Variants in SHISA9 observed in about 807,000 individuals in gnomAD.
SHISA9 encodes the protein protein shisa-9.
SHISA9 carries 13 observed loss-of-function variants against 38.0 expected under a neutral mutation model. That is an observed-to-expected ratio of 0.34 (90% CI 0.22 to 0.54). The LOEUF is 0.54. Ranked by LOEUF, SHISA9 falls within the 20% of genes least tolerant of loss-of-function variation. The pLI is 0.91. For missense variants in SHISA9, 538 were observed against 575.8 expected (o/e 0.93, Z 0.67); for synonymous variants, 275 against 242.0 (o/e 1.14, Z -1.27).
chr16:13,309,568 G>A, the SHISA9 span, among the ~76,000 whole-genome samples: 9 of 150,894 alleles, frequency 6.0e-5, no homozygotes, highest in South Asian at 2.1e-4. Flanking sequence ...ACTTGAACCC[G>A]GGAGGTGGAG....
rs1424543841 is a variant in SHISA9 at position 13,237,326 on chromosome 16, G to A, written c.*1917G>A. 1.3e-5 allele frequency: 2 copies of A among 152,136 alleles called. No homozygotes were observed. The highest frequency in any genetic ancestry group is 1.3e-4 in the Admixed American group (2 of 15,262). 9.4% of individuals were successfully genotyped at this position (152,136 alleles called of 1,614,324 possible). A position where few individuals can be genotyped will look rare whatever the true frequency, so the allele number is the denominator to read the frequency against. On this transcript the variant is annotated 3_prime_UTR_variant, in exon 5 of 5. Coordinates refer to ENST00000558583, the MANE Select transcript of SHISA9 (RefSeq NM_001145204.3). ...TCTGAAACATGGGGAATTGGGGTAG[G>A]TCAAGCTTTTTGAAACTGCAAAACC...
chr16:13,417,107 A>G, the SHISA9 span, among the ~76,000 whole-genome samples: 1 of 152,186 alleles, frequency 6.6e-6, no homozygotes, highest in Non-Finnish European at 1.5e-5. Flanking sequence ...CACCTTTTGG[A>G]TGAATTGCTG....
In SHISA9 at chr16:13,213,066, A is replaced by G. The variant is rs192320952; in HGVS notation, c.848-187A>G. 1.3e-3 allele frequency among the ~76,000 whole-genome samples: 198 copies of G among 152,288 alleles called. 2 individuals carry two copies. The highest frequency in any genetic ancestry group is 4.6e-3 in the African/African-American group (192 of 41,564). On this transcript the variant is annotated intron_variant, in intron 3 of 4. Transcript: ENST00000558583. ...ACGTGAGGCTGCTTCAAGGCCTTGCAGAAAGAGGTACACACATAGCTGCAT... is the reference window on the plus strand; with the variant it reads ...ACGTGAGGCTGCTTCAAGGCCTTGCGGAAAGAGGTACACACATAGCTGCAT...
At chr16:13,289,864 T>C in the SHISA9 span, among the ~76,000 whole-genome samples, 1 of 152,222 alleles carries the variant, frequency 6.6e-6, no homozygotes, top group Admixed American at 6.5e-5. Context: ...CCTAAGCTAG[T>C]TTGAATTGTG....
chr16:13,471,990 G>T, the SHISA9 span, among the ~76,000 whole-genome samples: 3 of 152,190 alleles, frequency 2.0e-5, no homozygotes, highest in Non-Finnish European at 4.4e-5. Flanking sequence ...GCTCTACATG[G>T]AAGTGTCTTG....
At chr16:13,383,916 A>C in the SHISA9 span, among the ~76,000 whole-genome samples, 1 of 152,102 alleles carries the variant, frequency 6.6e-6, no homozygotes, top group African/African-American at 2.4e-5. Flanking sequence ...CGGCCTCCCA[A>C]AGTGCTAGGA....
chr16:13,301,098 T>C, the SHISA9 span, among the ~76,000 whole-genome samples: 1 of 152,166 alleles, frequency 6.6e-6, no homozygotes, highest in East Asian at 1.9e-4. Context: ...ACAATCTGTA[T>C]GCAAGAGTCT....
intron 2 of SHISA9, among the ~76,000 whole-genome samples, chr16:13,067,548 T>C (rs1428283491): frequency 2.0e-5 from 3 of 152,238 alleles, no homozygotes; most frequent in Non-Finnish European, 2.9e-5. Flanking sequence ...GTAATTTCTC[T>C]CCTAGAAATT....
At chr16:12,923,059 G>A (rs760694573) in intron 2 of SHISA9, among the ~76,000 whole-genome samples, 4 of 152,090 alleles carry the variant, frequency 2.6e-5, no homozygotes, top group African/African-American at 7.2e-5. Context: ...GCTCCTGACC[G>A]CAGGTGATCC....
At position 13,177,598 on chromosome 16, in the gene SHISA9, T is replaced by C. The variant is rs535106920; in HGVS notation, c.692-25796T>C. Among the ~76,000 whole-genome samples the C allele has an allele frequency of 3.9e-5, 6 of 152,318 alleles. No individual in the cohort carries two copies. In the South Asian group the frequency reaches 8.3e-4, roughly 21 times the overall value. On this transcript the variant is annotated intron_variant, in intron 2 of 4. Coordinates refer to ENST00000558583, the MANE Select transcript of SHISA9 (RefSeq NM_001145204.3). ...TACTCATACGATTTTCCCTAACTGA[T>C]ACCTGTCTTGCTTACTAGATTACTG...
the SHISA9 span, among the ~76,000 whole-genome samples, chr16:13,558,060 A>G: frequency 6.6e-6 from 1 of 152,066 alleles, no homozygotes; most frequent in Admixed American, 6.5e-5. Context: ...AAAAAAAATT[A>G]AACTAAAAGT....
At chr16:13,218,109 G>T (rs181863850) in intron 4 of SHISA9, among the ~76,000 whole-genome samples, 2 of 152,272 alleles carry the variant, frequency 1.3e-5, no homozygotes, top group East Asian at 3.9e-4. Context: ...TAGCTTTTCT[G>T]CTTTTATACA....
At chr16:13,131,498 G>C in intron 2 of SHISA9, among the ~76,000 whole-genome samples, 1 of 152,106 alleles carries the variant, frequency 6.6e-6, no homozygotes, top group Non-Finnish European at 1.5e-5. Flanking sequence ...GCATCAGGAA[G>C]AATAGCTAAT....
chr16:13,197,104 T>TACACACACACAC (rs58365720), intron 2 of SHISA9, among the ~76,000 whole-genome samples: 10 of 106,486 alleles, frequency 9.4e-5, no homozygotes, highest in African/African-American at 3.5e-4. Context: ...TCTCTGTACA[T>TACACACACACAC]ACACACACAC....
At chr16:13,444,982 C>CTATATATATATATATATATATATATATA in the SHISA9 span, among the ~76,000 whole-genome samples, 2 of 106,248 alleles carry the variant, frequency 1.9e-5, no homozygotes, top group Non-Finnish European at 3.9e-5. Context: ...CCATGCCTAG[C>CTATATATATATATATATATATATATATA]TATATATATA....
intron 4 of SHISA9, among the ~76,000 whole-genome samples, chr16:13,231,416 TC>T (rs1489530041): frequency 6.6e-6 from 1 of 152,222 alleles, no homozygotes; most frequent in African/African-American, 2.4e-5. Context: ...TCTAGAGCTT[TC>T]CTCCAAAAGG....
chr16:12,918,039 A>G (rs1033864644), intron 2 of SHISA9, among the ~76,000 whole-genome samples: 2 of 152,210 alleles, frequency 1.3e-5, no homozygotes, highest in Admixed American at 1.3e-4. Flanking sequence ...CATGGTTTGA[A>G]AAATAGGCCA....
the SHISA9 span, among the ~76,000 whole-genome samples, chr16:13,447,053 A>G: frequency 6.6e-6 from 1 of 150,494 alleles, no homozygotes; most frequent in African/African-American, 2.4e-5. Flanking sequence ...AAAGAGAGAG[A>G]GAGAAAGAAA....
chr16:13,037,156 ACT>A (rs1555456751), intron 2 of SHISA9, among the ~76,000 whole-genome samples: 27 of 142,172 alleles, frequency 1.9e-4, no homozygotes, highest in African/African-American at 6.9e-4. Context: ...ACACACACAC[ACT>A]GTTGGTCCCA....
Sources: allele counts gnomAD v4.1 joint callset (sites outside exome capture counted in the v4.1 genomes callset), GRCh38; gene constraint gnomAD v4.1.1; transcripts MANE v1.5; gene names NCBI Gene and HGNC (gene_info 2026-07-23, HGNC 2026-07-21).